SHANK2: variants seen among roughly 807,000 people sequenced by gnomAD.
The protein encoded by SHANK2 is SH3 and multiple ankyrin repeat domains protein 2.
In SHANK2, 43 loss-of-function variants were observed where a neutral mutation model predicts 133.7. The ratio of observed to expected loss-of-function variants is 0.32; its 90% CI spans 0.25 to 0.41. The LOEUF is 0.41. Ranked by LOEUF, SHANK2 falls within the 10% of genes least tolerant of loss-of-function variation. The pLI, the probability that SHANK2 is intolerant of heterozygous loss-of-function variation, is 1.00. For missense variants in SHANK2, 1,994 were observed against 2,235.8 expected (o/e 0.89, Z 2.18); for synonymous variants, 1,017 against 952.8 (o/e 1.07, Z -1.24).
chr11:70,531,054 G>A (rs1356974100), intron 17 of SHANK2, among the ~76,000 whole-genome samples: 2 of 149,714 alleles, frequency 1.3e-5, no homozygotes, highest in Non-Finnish European at 3.0e-5. Context: ...GCTTGGTGGC[G>A]CACATCTGTA....
chr11:71,196,232 A>G (rs1031948860), intron 2 of SHANK2, among the ~76,000 whole-genome samples: 1 of 152,070 alleles, frequency 6.6e-6, no homozygotes, highest in African/African-American at 2.4e-5. Flanking sequence ...TGGTTCTTAA[A>G]TTCTAGCTAC....
At chr11:70,777,501 T>G (rs1298074330) in intron 14 of SHANK2, among the ~76,000 whole-genome samples, 6 of 149,768 alleles carry the variant, frequency 4.0e-5, no homozygotes, top group African/African-American at 1.5e-4. Flanking sequence ...CCATCCATCC[T>G]CCCACCTACC....
At chr11:71,158,594 A>G (rs1336878596) in intron 2 of SHANK2, among the ~76,000 whole-genome samples, 1 of 152,234 alleles carries the variant, frequency 6.6e-6, no homozygotes, top group Admixed American at 6.5e-5. Context: ...CCCTGATAGG[A>G]CTGTTGGTAG....
chr11:70,690,540 G>A (rs11237188), intron 15 of SHANK2, among the ~76,000 whole-genome samples: 2 of 108,874 alleles, frequency 1.8e-5, no homozygotes, highest in Non-Finnish European at 3.4e-5. Flanking sequence ...TGCTGGTCTC[G>A]AATGCCTGGG....
At chr11:70,715,837 C>T (rs757754924) in intron 14 of SHANK2, among the ~76,000 whole-genome samples, 48 of 152,296 alleles carry the variant, frequency 3.2e-4, no homozygotes, top group Non-Finnish European at 6.0e-4. Context: ...CCCCTGGACC[C>T]GGCAGCCCAG....
At chr11:70,852,873 G>A (rs1289033498) in intron 11 of SHANK2, among the ~76,000 whole-genome samples, 7 of 152,192 alleles carry the variant, frequency 4.6e-5, no homozygotes, top group African/African-American at 1.7e-4. Context: ...GGATGGCTGT[G>A]CTGTTAGGAA....
chr11:70,889,342 C>T (rs953597047), intron 11 of SHANK2, among the ~76,000 whole-genome samples: 10 of 152,170 alleles, frequency 6.6e-5, no homozygotes, highest in Non-Finnish European at 1.3e-4. Flanking sequence ...GCAGAGGGAA[C>T]CAGCCCTGCC....
chr11:70,632,812 G>T (rs1185112983), intron 17 of SHANK2, among the ~76,000 whole-genome samples: 1 of 152,186 alleles, frequency 6.6e-6, no homozygotes, highest in Non-Finnish European at 1.5e-5. Flanking sequence ...ATGTTGATCT[G>T]GAAGGTAACT....
intron 17 of SHANK2, among the ~76,000 whole-genome samples, chr11:70,641,395 T>C (rs1463597697): frequency 6.6e-6 from 1 of 152,188 alleles, no homozygotes; most frequent in African/African-American, 2.4e-5. Flanking sequence ...GCCTGGACTA[T>C]GCTTTTTTCT....
chr11:71,222,126 C>A (rs113313004), intron 2 of SHANK2, among the ~76,000 whole-genome samples: 1 of 140,114 alleles, frequency 7.1e-6, no homozygotes, highest in Non-Finnish European at 1.5e-5. Context: ...GAAAACCCCA[C>A]CCACCCCACC....
intron 17 of SHANK2, among the ~76,000 whole-genome samples, chr11:70,568,948 G>C (rs2060007286): frequency 6.6e-6 from 1 of 152,148 alleles, no homozygotes; most frequent in Admixed American, 6.5e-5. Flanking sequence ...CAGCTGTGTG[G>C]CCAGTGGACT....
chr11:70,776,487 C>T (rs1449295206), intron 14 of SHANK2, among the ~76,000 whole-genome samples: 1 of 152,184 alleles, frequency 6.6e-6, no homozygotes, highest in Non-Finnish European at 1.5e-5. Flanking sequence ...TTGCTGGTAT[C>T]GCCAAGAGCC....
chr11:70,475,800 A>G (rs1235717405), intron 25 of SHANK2, among the ~76,000 whole-genome samples: 2 of 152,218 alleles, frequency 1.3e-5, no homozygotes, highest in African/African-American at 4.8e-5. Context: ...AGGCATCCCC[A>G]TCTAGAACCT....
At chr11:70,808,679 G>A (rs1948216064) in intron 12 of SHANK2, among the ~76,000 whole-genome samples, 2 of 151,872 alleles carry the variant, frequency 1.3e-5, no homozygotes. Context: ...CGGCTGCAGT[G>A]AGCCATGATT....
chr11:70,912,116 G>A (rs797025256), intron 10 of SHANK2, among the ~76,000 whole-genome samples: 1,538 of 113,546 alleles, frequency 0.014, 31 homozygotes, highest in African/African-American at 0.035. Flanking sequence ...AAAAAAAAAA[G>A]AAAGAAAGAA....
At chr11:70,844,030 G>A (rs782592221) in intron 11 of SHANK2, among the ~76,000 whole-genome samples, 19 of 152,036 alleles carry the variant, frequency 1.2e-4, no homozygotes, top group Non-Finnish European at 1.9e-4. Context: ...ACTGTGCTGC[G>A]TGCACCATCC....
intron 11 of SHANK2, among the ~76,000 whole-genome samples, chr11:70,841,001 G>A (rs182778882): frequency 6.6e-5 from 10 of 152,262 alleles, no homozygotes; most frequent in African/African-American, 2.4e-4. Flanking sequence ...GGTGGCTCAT[G>A]TCTGTAATCC....
At chr11:71,165,888 C>G (rs1953135119) in intron 2 of SHANK2, among the ~76,000 whole-genome samples, 1 of 152,146 alleles carries the variant, frequency 6.6e-6, no homozygotes, top group Non-Finnish European at 1.5e-5. Context: ...CAGTGTAGAC[C>G]ATGTCCGGGG....
At chr11:70,726,741 G>C (rs1946188691) in intron 14 of SHANK2, among the ~76,000 whole-genome samples, 1 of 152,228 alleles carries the variant, frequency 6.6e-6, no homozygotes, top group Admixed American at 6.5e-5. Context: ...GACAAAGCCT[G>C]TCTGCCCAGA....
Sources: gnomAD v4.1 joint callset for allele counts (sites outside exome capture counted in the v4.1 genomes callset) on GRCh38, gnomAD v4.1.1 for gene constraint, MANE v1.5 for transcripts, NCBI Gene and HGNC (gene_info 2026-07-23, HGNC 2026-07-21) for gene names.